The following LSAMP variants were observed in gnomAD, a reference collection of about 807,000 sequenced individuals.
The protein encoded by LSAMP is limbic system associated membrane protein, also known as limbic system-associated membrane protein.
A neutral mutation model predicts 38.6 loss-of-function variants in LSAMP; 7 were observed. That is an observed-to-expected ratio of 0.18 (90% CI 0.10 to 0.34). The LOEUF (loss-of-function observed/expected upper bound fraction) is 0.34, where lower values mean the gene tolerates loss of function less well. LSAMP is among the 10% of genes least tolerant of loss of function. The pLI, the probability that LSAMP is intolerant of heterozygous loss-of-function variation, is 1.00. For synonymous variants in LSAMP, 154 were observed against 166.8 expected (o/e 0.92, Z 0.59); for missense variants, 313 against 420.0 (o/e 0.75, Z 2.23).
At chr3:115,998,077 A>G (rs116521913) in intron 3 of LSAMP, among the ~76,000 whole-genome samples, 5,397 of 141,408 alleles carry the variant, frequency 0.038, 294 homozygotes, top group African/African-American at 0.13. Flanking sequence ...TGTGACAATC[A>G]AAAAATGTCT....
At chr3:116,237,358 C>T (rs537944853) in intron 1 of LSAMP, among the ~76,000 whole-genome samples, 2 of 152,108 alleles carry the variant, frequency 1.3e-5, no homozygotes, top group African/African-American at 4.8e-5. Flanking sequence ...TAAATATATC[C>T]TTTTTTCTTC....
intron 3 of LSAMP, among the ~76,000 whole-genome samples, chr3:115,935,872 C>T (rs576140827): frequency 2.0e-5 from 3 of 152,296 alleles, no homozygotes; most frequent in African/African-American, 4.8e-5. Flanking sequence ...TAATTTGAAG[C>T]GTCCTGCCAA....
At chr3:116,125,748 A>C (rs1708993624) in intron 1 of LSAMP, among the ~76,000 whole-genome samples, 1 of 152,338 alleles carries the variant, frequency 6.6e-6, no homozygotes, top group East Asian at 1.9e-4. Context: ...CAGTTCAATA[A>C]ATAAATAGAG....
intron 1 of LSAMP, among the ~76,000 whole-genome samples, chr3:116,392,192 G>A (rs1011125807): frequency 2.0e-5 from 3 of 152,188 alleles, no homozygotes; most frequent in Non-Finnish European, 2.9e-5. Context: ...GGACAAGCGG[G>A]AGCCCTGCCC....
At chr3:115,961,677 G>C (rs1938629765) in intron 3 of LSAMP, among the ~76,000 whole-genome samples, 1 of 152,200 alleles carries the variant, frequency 6.6e-6, no homozygotes, top group Non-Finnish European at 1.5e-5. Flanking sequence ...GGGCAGTTCA[G>C]CCTCCTTCCT....
intron 2 of LSAMP, among the ~76,000 whole-genome samples, chr3:116,033,971 T>C (rs572745358): frequency 1.3e-5 from 2 of 152,070 alleles, no homozygotes; most frequent in Non-Finnish European, 2.9e-5. Flanking sequence ...AGCTTTTCCA[T>C]AGGGTCTGGG....
At chr3:116,132,964 G>A (rs1187634383) in intron 1 of LSAMP, among the ~76,000 whole-genome samples, 1 of 152,112 alleles carries the variant, frequency 6.6e-6, no homozygotes, top group Non-Finnish European at 1.5e-5. Flanking sequence ...TATAGGGAAG[G>A]GTTTGACAAA....
chr3:116,300,015 C>T lies in LSAMP; in HGVS notation c.155+144862G>A, dbSNP rs78585409. On this transcript the variant is annotated intron_variant, in intron 1 of 6. Transcript: ENST00000490035. ...TAATAAGGCCATCTGTTAACCGTGT[C>T]GCCTGAGTCCCTCTCAGCAATTCCT... Among the ~76,000 whole-genome samples the T allele has an allele frequency of 5.2e-4, 79 of 152,292 alleles. No individual in the cohort carries two copies. In the East Asian group the frequency reaches 0.015, roughly 28 times the overall value.
intron 3 of LSAMP, among the ~76,000 whole-genome samples, chr3:115,998,037 C>T (rs1939878433): frequency 6.6e-6 from 1 of 150,818 alleles, no homozygotes; most frequent in Admixed American, 6.7e-5. Flanking sequence ...TTGGCCTCAA[C>T]CCACTAGATG....
chr3:115,957,530 G>A (rs1175892785), intron 3 of LSAMP, among the ~76,000 whole-genome samples: 2 of 151,996 alleles, frequency 1.3e-5, no homozygotes, highest in Non-Finnish European at 2.9e-5. Flanking sequence ...ATCCTCAAAG[G>A]GACATTAGGA....
At chr3:116,316,597 C>T (rs2047631942) in intron 1 of LSAMP, among the ~76,000 whole-genome samples, 1 of 151,662 alleles carries the variant, frequency 6.6e-6, no homozygotes, top group Non-Finnish European at 1.5e-5. Context: ...ATTATGAAAC[C>T]CCGTCTCTAC....
intron 3 of LSAMP, among the ~76,000 whole-genome samples, chr3:116,018,038 T>C (rs1034359305): frequency 1.3e-5 from 2 of 152,122 alleles, no homozygotes; most frequent in African/African-American, 4.8e-5. Context: ...TCTACGTTCA[T>C]ACTCGAGACA....
chr3:116,058,002 A>G (rs1187838013), intron 2 of LSAMP, among the ~76,000 whole-genome samples: 2 of 149,896 alleles, frequency 1.3e-5, no homozygotes, highest in Non-Finnish European at 3.0e-5. Context: ...TATTTATTCT[A>G]GTGAACCTAG....
intron 1 of LSAMP, among the ~76,000 whole-genome samples, chr3:116,308,738 G>C (rs1245790195): frequency 6.6e-6 from 1 of 152,012 alleles, no homozygotes; most frequent in Non-Finnish European, 1.5e-5. Context: ...TTCTATTGCT[G>C]ACATTACCAC....
intron 1 of LSAMP, among the ~76,000 whole-genome samples, chr3:116,115,357 T>G (rs1286125338): frequency 6.6e-6 from 1 of 152,242 alleles, no homozygotes; most frequent in Non-Finnish European, 1.5e-5. Context: ...ATCCCCATTT[T>G]TCAGAAAAGA....
At chr3:116,121,885 AT>A (rs57411929) in intron 1 of LSAMP, among the ~76,000 whole-genome samples, 25,816 of 136,600 alleles carry the variant, frequency 0.19, 2,305 homozygotes, top group Middle Eastern at 0.22. Context: ...TTTTTTTGTG[AT>A]TTTTTTTTTT....
chr3:116,043,897 G>A (rs1342838657), intron 2 of LSAMP, among the ~76,000 whole-genome samples: 1 of 152,258 alleles, frequency 6.6e-6, no homozygotes, highest in African/African-American at 2.4e-5. Flanking sequence ...ACTGAGCCAA[G>A]ATCGCGCCGC....
At chr3:115,876,173 A>C (rs1460361982) in intron 3 of LSAMP, among the ~76,000 whole-genome samples, 1 of 151,342 alleles carries the variant, frequency 6.6e-6, no homozygotes, top group African/African-American at 2.4e-5. Flanking sequence ...AATTATCTGC[A>C]TTAGTCCTGT....
chr3:116,207,921 G>A (rs2046093412), intron 1 of LSAMP, among the ~76,000 whole-genome samples: 2 of 149,300 alleles, frequency 1.3e-5, no homozygotes, highest in Admixed American at 1.3e-4. Flanking sequence ...GGCGTTCTCT[G>A]TATTTCCTGA....
Sources: gnomAD v4.1 joint callset for allele counts (sites outside exome capture counted in the v4.1 genomes callset) on GRCh38, gnomAD v4.1.1 for gene constraint, MANE v1.5 for transcripts, NCBI Gene and HGNC (gene_info 2026-07-23, HGNC 2026-07-21) for gene names.